Variants in PTDSS2 observed in about 807,000 individuals in gnomAD.
PTDSS2 encodes phosphatidylserine synthase 2, also known as PSS-2.
In PTDSS2, 41 loss-of-function variants were observed where a neutral mutation model predicts 64.7. The observed-to-expected ratio is 0.63, with a 90% confidence interval of 0.49 to 0.82. The LOEUF is 0.82. Ranked by LOEUF, PTDSS2 falls within the 40% of genes least tolerant of loss-of-function variation. The probability of loss-of-function intolerance (pLI) is 0.00; values close to 1 mark genes in which losing one functional copy is unlikely to be tolerated. For missense variants in PTDSS2, 485 were observed against 650.0 expected, an observed-to-expected ratio of 0.75 and a Z score of 2.76; for synonymous variants, 297 against 277.8, an observed-to-expected ratio of 1.07 and a Z score of -0.69.
At chr11:457,838 G>C (rs1054740550) in intron 1 of PTDSS2, among the ~76,000 whole-genome samples, 1 of 152,188 alleles carries the variant, frequency 6.6e-6, no homozygotes, top group Non-Finnish European at 1.5e-5. Context: ...CGTAGCATAG[G>C]CCTCACTTTT....
chr11:488,690 C>T (rs776667291), intron 8 of PTDSS2, 43 bp downstream of exon 8: 2 of 1,436,114 alleles, frequency 1.4e-6, no homozygotes, highest in African/African-American at 1.4e-5. Flanking sequence ...GTGGGGGTTA[C>T]CTGGAGGCAG....
rs569311933 is a variant in PTDSS2 at position 478,606 on chromosome 11, G to A, written c.368-479G>A. On this transcript the variant is annotated intron_variant, in intron 3 of 11. Coordinates refer to ENST00000308020, the MANE Select transcript of PTDSS2 (RefSeq NM_030783.3). ...GACTGAAAATACAAAAATTAGCCGG[G>A]TGTGCTGGACACCTGTGAGCCCAGC... Among the ~76,000 whole-genome samples, 4 of 152,134 alleles carry A rather than the reference G, an allele frequency of 2.6e-5. No homozygotes were observed. The East Asian group carries it at 7.7e-4, about 29-fold the overall frequency.
At chr11:468,345 C>T (rs531458395) in intron 2 of PTDSS2, among the ~76,000 whole-genome samples, 1 of 152,250 alleles carries the variant, frequency 6.6e-6, no homozygotes, top group East Asian at 1.9e-4. Flanking sequence ...ATGCAGCATT[C>T]GTATGGCAGT....
chr11:473,682 C>T lies in PTDSS2; in HGVS notation c.285-213C>T, dbSNP rs111774378. ...AGCTGGGCCTTCCCTGCCGCGGAGGCGGCAAATGTGAGGGCGAATGTCCGG... is the reference window on the plus strand; with the variant it reads ...AGCTGGGCCTTCCCTGCCGCGGAGGTGGCAAATGTGAGGGCGAATGTCCGG... On this transcript the variant is annotated intron_variant, in intron 2 of 11. Coordinates refer to ENST00000308020, the MANE Select transcript of PTDSS2 (RefSeq NM_030783.3). Among the ~76,000 whole-genome samples, 18 of 137,462 alleles carry T rather than the reference C, an allele frequency of 1.3e-4. 1 individual carries two copies. The East Asian group carries it at 3.2e-3, about 24-fold the overall frequency. 90.2% of individuals were successfully genotyped at this position (137,462 alleles called of 152,430 possible). A position where few individuals can be genotyped will look rare whatever the true frequency, so the allele number is the denominator to read the frequency against.
chr11:458,235 C>T (rs999277835), intron 1 of PTDSS2, among the ~76,000 whole-genome samples: 99 of 149,140 alleles, frequency 6.6e-4, no homozygotes, highest in African/African-American at 2.3e-3. Flanking sequence ...GATTGAGTCT[C>T]GCTCTGTCGC....
chr11:483,642 C>G (rs1452004451), intron 4 of PTDSS2, among the ~76,000 whole-genome samples: 8 of 152,196 alleles, frequency 5.3e-5, no homozygotes, highest in Admixed American at 2.6e-4. Flanking sequence ...CTGAACCAAC[C>G]TTACATTCCT....
intron 6 of PTDSS2, 124 bp downstream of exon 6, chr11:487,594 G>A (rs1301442716): frequency 2.2e-6 from 2 of 900,476 alleles, no homozygotes; most frequent in Non-Finnish European, 3.6e-6. Context: ...GTGTCGCACT[G>A]CAGCCACCCA....
intron 2 of PTDSS2, among the ~76,000 whole-genome samples, chr11:471,544 G>A (rs550585881): frequency 3.9e-5 from 6 of 152,360 alleles, no homozygotes; most frequent in Admixed American, 2.0e-4. Flanking sequence ...AGGGAGCACC[G>A]GCCTGGGGTG....
At chr11:452,021 C>G (rs933058741) in intron 1 of PTDSS2, among the ~76,000 whole-genome samples, 10 of 152,196 alleles carry the variant, frequency 6.6e-5, no homozygotes, top group Non-Finnish European at 7.4e-5. Context: ...CCCCTTCAGG[C>G]TGTCCTCCCG....
chr11:466,718 G>A (rs937072334), intron 2 of PTDSS2, among the ~76,000 whole-genome samples: 7 of 151,966 alleles, frequency 4.6e-5, no homozygotes, highest in East Asian at 1.9e-4. Context: ...CAAAACTGCC[G>A]CTTCTAAAAC....
intron 1 of PTDSS2, among the ~76,000 whole-genome samples, chr11:455,015 G>A (rs1846521247): frequency 6.6e-6 from 1 of 151,140 alleles, no homozygotes. Context: ...GCCGAGTGCA[G>A]CCTCCTCCTC....
At chr11:490,215 C>A in intron 11 of PTDSS2, 147 bp downstream of exon 11, 1 of 1,162,694 alleles carries the variant, frequency 8.6e-7, no homozygotes, top group Non-Finnish European at 1.2e-6. Flanking sequence ...CCTTTCCTGA[C>A]CCAGCCCTCG....
At chr11:487,291 A>C (rs1272808909) in intron 5 of PTDSS2, 129 bp from the exon 6 acceptor site, 1 of 1,017,416 alleles carries the variant, frequency 9.8e-7, no homozygotes, top group East Asian at 2.4e-5. Flanking sequence ...AGGCCACGGC[A>C]GCACCTGTGA....
chr11:476,218 C>T lies in PTDSS2; in HGVS notation c.367+2241C>T, dbSNP rs1310693105. 2.0e-5 allele frequency among the ~76,000 whole-genome samples: 3 copies of T among 152,186 alleles called. No homozygotes were observed. The highest frequency in any genetic ancestry group is 4.8e-5 in the African/African-American group (2 of 41,446). On this transcript the variant is annotated intron_variant, in intron 3 of 11. Coordinates refer to ENST00000308020, the MANE Select transcript of PTDSS2 (RefSeq NM_030783.3). This position sits in a 1 kb window ranked among gnomAD's most constrained non-coding sequence, Gnocchi z 4.9. ...GGGCCCAGGGCCCTGTCTGCCCAGC[C>T]GGCTGAGCACAGACGGTCTTGCCTC...
chr11:455,670 G>T (rs760721439), intron 1 of PTDSS2, among the ~76,000 whole-genome samples: 1 of 152,206 alleles, frequency 6.6e-6, no homozygotes, highest in Non-Finnish European at 1.5e-5. Context: ...TGCTCCTCGC[G>T]CTCCCTTCTT....
chr11:458,947 G>A (rs1364376004), intron 1 of PTDSS2: 2 of 152,284 alleles, frequency 1.3e-5, no homozygotes, highest in African/African-American at 4.8e-5. Flanking sequence ...GATGTCCTTG[G>A]AAGTCAGAAG....
chr11:475,588 T>G (rs114414319), intron 3 of PTDSS2, among the ~76,000 whole-genome samples: 1 of 152,198 alleles, frequency 6.6e-6, no homozygotes, highest in Non-Finnish European at 1.5e-5. Context: ...TGTACAGACA[T>G]ATTCACAGCC....
Position 479,482 on chromosome 11 carries a change from G to A in PTDSS2, c.435+330G>A. On this transcript the variant is annotated intron_variant, in intron 4 of 11. Transcript: ENST00000308020. This position sits in a 1 kb window ranked among gnomAD's most constrained non-coding sequence, Gnocchi z 4.2. ...AGTGGTGCAGGCACAGAAGAGGGCA[G>A]GGCCAGTGGTGCAGCTGCCAGGGTG... The A allele has an allele frequency of 5.0e-6, 2 of 402,242 alleles. No homozygotes were observed. Among genetic ancestry groups the A allele is most frequent in the South Asian group, 5.4e-5 (2 of 37,048 alleles). The allele number at this position is 402,242 out of a possible 1,614,324, so 24.9% of individuals were successfully genotyped here.
chr11:453,407 C>T lies in PTDSS2; in HGVS notation c.182+2770C>T, dbSNP rs73385825. Among the ~76,000 whole-genome samples the T allele has an allele frequency of 1.5e-3, 233 of 152,334 alleles. 2 individuals are homozygous for T. The highest frequency in any genetic ancestry group is 5.4e-3 in the African/African-American group (224 of 41,570). On this transcript the variant is annotated intron_variant, in intron 1 of 11. Coordinates refer to ENST00000308020, the MANE Select transcript of PTDSS2 (RefSeq NM_030783.3). The stretch of plus-strand genomic sequence containing the variant: ...ACGCTGAAGCAGCTTCGGATGACCA[C>T]ACTTGCTAACCAGTTCCCGAGCTGG...
Sources: gnomAD v4.1 joint callset for allele counts (sites outside exome capture counted in the v4.1 genomes callset) on GRCh38, gnomAD v4.1.1 for gene constraint, Gnocchi (gnomAD v3.1) non-coding constraint, MANE v1.5 for transcripts, NCBI Gene and HGNC (gene_info 2026-07-23, HGNC 2026-07-21) for gene names.